The following KCNMA1 variants were observed in gnomAD, a reference collection of about 807,000 sequenced individuals.
The protein encoded by KCNMA1 is Calcium-activated potassium channel subunit alpha-1.
KCNMA1 carries 29 observed loss-of-function variants against 140.0 expected under a neutral mutation model. The ratio of observed to expected loss-of-function variants is 0.21; its 90% CI spans 0.15 to 0.28. The LOEUF is 0.28. Among genes scored for constraint, KCNMA1 ranks in the 10% least tolerant of loss-of-function variants. The probability of loss-of-function intolerance (pLI) is 1.00; values close to 1 mark genes in which losing one functional copy is unlikely to be tolerated. For synonymous variants in KCNMA1, 612 were observed against 611.9 expected, an observed-to-expected ratio of 1.00 and a Z score of 0.00; for missense variants, 880 against 1,602.2, an observed-to-expected ratio of 0.55 and a Z score of 7.70.
At chr10:76,975,667 C>G (rs1234541430) in intron 19 of KCNMA1, among the ~76,000 whole-genome samples, 1 of 152,146 alleles carries the variant, frequency 6.6e-6, no homozygotes. Context: ...TATCAGGGTG[C>G]AGGGGAGTTA....
chr10:77,389,678 C>T (rs1043086821), intron 2 of KCNMA1, among the ~76,000 whole-genome samples: 1 of 152,114 alleles, frequency 6.6e-6, no homozygotes, highest in African/African-American at 2.4e-5. Context: ...CAAAAGAAGC[C>T]AACTCCTTCT....
At chr10:77,018,638 T>C (rs1348811455) in intron 17 of KCNMA1, among the ~76,000 whole-genome samples, 1 of 152,166 alleles carries the variant, frequency 6.6e-6, no homozygotes, top group East Asian at 1.9e-4. Flanking sequence ...AGAAAACTGA[T>C]AATTCTCAAG....
chr10:77,066,894 T>C (rs1270697690), intron 14 of KCNMA1, among the ~76,000 whole-genome samples: 1 of 152,182 alleles, frequency 6.6e-6, no homozygotes, highest in African/African-American at 2.4e-5. Flanking sequence ...CCCAGCCTTA[T>C]CAGTTGCAGC....
chr10:77,212,035 T>C (rs924547647), intron 3 of KCNMA1, among the ~76,000 whole-genome samples: 1 of 152,230 alleles, frequency 6.6e-6, no homozygotes, highest in African/African-American at 2.4e-5. Flanking sequence ...GAAAGCAGTT[T>C]GGAAATTTCT....
intron 22 of KCNMA1, 122 bp downstream of exon 22, chr10:76,949,020 C>A (rs1283518779): frequency 1.1e-6 from 1 of 881,040 alleles, no homozygotes; most frequent in African/African-American, 1.6e-5. Context: ...GCTGAGTCCT[C>A]AGGCCCATAC....
intron 1 of KCNMA1, among the ~76,000 whole-genome samples, chr10:77,453,591 C>G (rs1315225235): frequency 1.3e-5 from 2 of 152,032 alleles, no homozygotes; most frequent in Non-Finnish European, 2.9e-5. Flanking sequence ...AGAGAGCGTC[C>G]AAGTCACAGC....
At chr10:77,247,093 G>A (rs1415005436) in intron 3 of KCNMA1, among the ~76,000 whole-genome samples, 1 of 152,224 alleles carries the variant, frequency 6.6e-6, no homozygotes, top group African/African-American at 2.4e-5. Context: ...AGTCACCAGT[G>A]AGCAGGACTT....
At chr10:77,268,932 A>G (rs1361864360) in intron 2 of KCNMA1, among the ~76,000 whole-genome samples, 2 of 152,168 alleles carry the variant, frequency 1.3e-5, no homozygotes, top group Non-Finnish European at 2.9e-5. Flanking sequence ...ACCAATGCAA[A>G]GAAACACAAT....
chr10:77,125,928 G>T (rs2097722028), intron 5 of KCNMA1, among the ~76,000 whole-genome samples: 1 of 152,280 alleles, frequency 6.6e-6, no homozygotes, highest in East Asian at 1.9e-4. Context: ...CCTGAGAGAG[G>T]TCAGGGCTGC....
intron 2 of KCNMA1, among the ~76,000 whole-genome samples, chr10:77,269,655 C>T (rs2064427766): frequency 6.6e-6 from 1 of 152,182 alleles, no homozygotes; most frequent in African/African-American, 2.4e-5. Context: ...ACCTGAACAG[C>T]CAATGGGTGG....
rs528646899 is a variant in KCNMA1, at chr10:77,636,464, C to G, written c.378+801G>C. ...AAAACCGCGGCCTCAGGCGGACTCC[C>G]GCTCCAGCTCCGCGCTGCTGGTGGC... On this transcript the variant is annotated intron_variant, in intron 1 of 27. Coordinates refer to ENST00000286628, the MANE Select transcript of KCNMA1 (RefSeq NM_001161352.2). The G allele has an allele frequency of 2.6e-6, 4 of 1,536,080 alleles. No homozygotes were observed. The South Asian group carries it at 3.6e-5, about 14-fold the overall frequency.
chr10:77,608,598 C>T (rs528974858), intron 1 of KCNMA1, among the ~76,000 whole-genome samples: 13 of 152,164 alleles, frequency 8.5e-5, no homozygotes, highest in African/African-American at 2.7e-4. Context: ...TGTGCATATA[C>T]GTGTGTAAGA....
rs546002213 is a variant in KCNMA1 at position 77,621,557 on chromosome 10, A to G, written c.378+15708T>C. ...ACACACACACACACACCCCTCTCTCAAGTTTTTAAAAACCTACTTAAATTC... is the reference window on the plus strand; with the variant it reads ...ACACACACACACACACCCCTCTCTCGAGTTTTTAAAAACCTACTTAAATTC... On this transcript the variant is annotated intron_variant, in intron 1 of 27. Coordinates refer to ENST00000286628, the MANE Select transcript of KCNMA1 (RefSeq NM_001161352.2). 4.3e-4 allele frequency among the ~76,000 whole-genome samples: 66 copies of G among 151,944 alleles called. 1 individual carries two copies. In the South Asian group the frequency reaches 0.013, roughly 31 times the overall value.
At chr10:76,925,260 A>G (rs1214896252) in intron 23 of KCNMA1, among the ~76,000 whole-genome samples, 1 of 152,180 alleles carries the variant, frequency 6.6e-6, no homozygotes, top group Non-Finnish European at 1.5e-5. Context: ...GGCACAGCTT[A>G]TGCTAACCTT....
rs535737967 is a variant in KCNMA1 at position 77,079,194 on chromosome 10, T to C, written c.1593+287A>G. Among the ~76,000 whole-genome samples, 7 of 152,074 alleles carry C rather than the reference T, an allele frequency of 4.6e-5. 1 individual carries two copies. Among genetic ancestry groups the C allele is most frequent in the Admixed American group, 4.6e-4 (7 of 15,264 alleles). On this transcript the variant is annotated intron_variant, in intron 13 of 27. Transcript: ENST00000286628. ...CAGAGGCAGGAGAATTGCTTGAACT[T>C]GGGAGGTGGAGGTTGTGGGGAGTCA...
At chr10:77,588,956 G>A (rs570775126) in intron 1 of KCNMA1, among the ~76,000 whole-genome samples, 1 of 152,344 alleles carries the variant, frequency 6.6e-6, no homozygotes, top group South Asian at 2.1e-4. Flanking sequence ...TTTCTGTGAA[G>A]AACCGGATAG....
At position 76,887,101 on chromosome 10, in the gene KCNMA1, G is replaced by A; in HGVS notation, c.*165C>T. On this transcript the variant is annotated 3_prime_UTR_variant, in exon 28 of 28. Coordinates refer to ENST00000286628, the MANE Select transcript of KCNMA1 (RefSeq NM_001161352.2). ...TTGTGCTCAAGGGTTTTATGGTGGT[G>A]AAATAAAAATGACAACCACATGCAC... is the stretch of plus-strand genomic sequence containing the variant. 1 of 1,565,084 alleles carries A rather than the reference G, an allele frequency of 6.4e-7. No homozygotes were observed. Among genetic ancestry groups the A allele is most frequent in the East Asian group, 2.3e-5 (1 of 43,666 alleles).
At chr10:77,458,772 C>T (rs1370266648) in intron 1 of KCNMA1, among the ~76,000 whole-genome samples, 3 of 152,228 alleles carry the variant, frequency 2.0e-5, no homozygotes, top group Admixed American at 2.0e-4. Flanking sequence ...GGAGATGGGG[C>T]AGAACCACCC....
chr10:76,981,397 AC>A (rs2079396999), intron 19 of KCNMA1, among the ~76,000 whole-genome samples: 1 of 152,240 alleles, frequency 6.6e-6, no homozygotes, highest in South Asian at 2.1e-4. Flanking sequence ...GAAGGCTGGA[AC>A]CATTCAGGGC....
Sources: gnomAD v4.1 joint callset for allele counts (sites outside exome capture counted in the v4.1 genomes callset) on GRCh38, gnomAD v4.1.1 for gene constraint, MANE v1.5 for transcripts, NCBI Gene and HGNC (gene_info 2026-07-23, HGNC 2026-07-21) for gene names.